SYN2: variants seen among roughly 807,000 people sequenced by gnomAD.
SYN2 encodes synapsin II, also known as synapsin-2.
In SYN2, 19 loss-of-function variants were observed where a neutral mutation model predicts 50.9. The observed-to-expected ratio is 0.37, with a 90% confidence interval of 0.26 to 0.55. The LOEUF is 0.55. Among genes scored for constraint, SYN2 ranks in the 20% least tolerant of loss-of-function variants. The pLI is 0.81. For synonymous variants in SYN2, 255 were observed against 224.9 expected (o/e 1.13, Z -1.20); for missense variants, 587 against 576.4 (o/e 1.02, Z -0.19).
intron 1 of SYN2, among the ~76,000 whole-genome samples, chr3:12,016,576 G>T (rs1694033434): frequency 6.6e-6 from 1 of 152,162 alleles, no homozygotes; most frequent in African/African-American, 2.4e-5. Context: ...AGGGATGTAG[G>T]CCAGGCGTGG....
intron 1 of SYN2, among the ~76,000 whole-genome samples, chr3:12,036,312 G>C (rs1297002754): frequency 4.6e-5 from 7 of 152,192 alleles, no homozygotes. Flanking sequence ...CCTGTGACAA[G>C]TCTCTGCGTT....
At chr3:12,145,550 A>T in intron 3 of SYN2, 129 bp from the exon 4 acceptor site, 1 of 1,080,904 alleles carries the variant, frequency 9.3e-7, no homozygotes, top group South Asian at 1.6e-5. Context: ...TAACAACAGT[A>T]AAATGAGGGG....
At chr3:12,084,934 A>G (rs1695659198) in intron 1 of SYN2, among the ~76,000 whole-genome samples, 1 of 152,150 alleles carries the variant, frequency 6.6e-6, no homozygotes, top group South Asian at 2.1e-4. Context: ...ACTGCAGGAA[A>G]TCATTAAATC....
chr3:12,050,791 A>G (rs1176740999), intron 1 of SYN2, among the ~76,000 whole-genome samples: 2 of 120,830 alleles, frequency 1.7e-5, no homozygotes, highest in South Asian at 3.0e-4. Flanking sequence ...TGTGGACTGC[A>G]GTGGCGCGAT....
In SYN2 at chr3:12,059,002, G is replaced by C. The variant is rs146621855; in HGVS notation, c.377+54074G>C. Among the ~76,000 whole-genome samples, 1,462 of 152,278 alleles carry C rather than the reference G, an allele frequency of 9.6e-3. 9 individuals are homozygous for C. Among genetic ancestry groups the C allele is most frequent in the Admixed American group, 0.014 (220 of 15,298 alleles). On this transcript the variant is annotated intron_variant, in intron 1 of 12. Coordinates refer to ENST00000621198, the MANE Select transcript of SYN2 (RefSeq NM_133625.6). Reference sequence around the variant, plus strand: ...CACTGAAGTGTATCTAAATCTACCTGTCTGGTTATATGCATCCAAGTCATG... The same window carrying C: ...CACTGAAGTGTATCTAAATCTACCTCTCTGGTTATATGCATCCAAGTCATG...
intron 7 of SYN2, chr3:12,165,494 A>G (rs1697761277): frequency 6.6e-6 from 1 of 152,252 alleles, no homozygotes; most frequent in Non-Finnish European, 1.5e-5. Context: ...CACATTGTAT[A>G]TGCATCAGGG....
rs541468202 is a variant in SYN2 at position 12,043,678 on chromosome 3, G to A, written c.377+38750G>A. The stretch of plus-strand genomic sequence containing the variant: ...CCTCAGAATGACTGGGCATAAAACT[G>A]TGATGTCCATTCTACTGGGTTGGTT... On this transcript the variant is annotated intron_variant, in intron 1 of 12. Coordinates refer to ENST00000621198, the MANE Select transcript of SYN2 (RefSeq NM_133625.6). 2.0e-4 allele frequency among the ~76,000 whole-genome samples: 30 copies of A among 152,280 alleles called. No homozygotes were observed. In the South Asian group the frequency reaches 6.0e-3, roughly 31 times the overall value.
chr3:12,087,861 G>A (rs1395120381), intron 1 of SYN2, among the ~76,000 whole-genome samples: 1 of 151,966 alleles, frequency 6.6e-6, no homozygotes, highest in East Asian at 1.9e-4. Context: ...ATGGTGTTGG[G>A]AAAACTGGAT....
In SYN2 at chr3:12,162,038, C is replaced by G. The variant is rs372826211; in HGVS notation, c.864C>G (p.Phe288Leu). The G allele has an allele frequency of 6.2e-7, 1 of 1,614,058 alleles. No homozygotes were observed. Among genetic ancestry groups the G allele is most frequent in the African/African-American group, 1.3e-5 (1 of 75,066 alleles). Residue 288 changes from phenylalanine to leucine, a missense_variant, in exon 7 of 13, where the codon TTC becomes TTG. Physicochemically the swap from Phe to Leu is conservative, Grantham distance 22. Coordinates refer to ENST00000621198, the MANE Select transcript of SYN2 (RefSeq NM_133625.6). ...GKVKVENHYD[F>L]QDIASVVALT... ...TCAAAGTGGAAAACCACTACGACTT[C>G]CAGGACATTGCCAGCGTGGTGGCTC...
At chr3:12,189,953 A>T (rs571282128) in intron 12 of SYN2, among the ~76,000 whole-genome samples, 4 of 152,200 alleles carry the variant, frequency 2.6e-5, no homozygotes, top group Non-Finnish European at 5.9e-5. Context: ...AACTTGACAG[A>T]TGAGAACCCA....
chr3:12,136,139 A>C (rs1287605192), intron 1 of SYN2, among the ~76,000 whole-genome samples: 1 of 152,164 alleles, frequency 6.6e-6, no homozygotes, highest in Non-Finnish European at 1.5e-5. Context: ...AATGTGATGA[A>C]AGTTCAGAAA....
intron 1 of SYN2, among the ~76,000 whole-genome samples, chr3:12,067,917 G>T (rs1671781036): frequency 6.6e-6 from 1 of 152,282 alleles, no homozygotes. Context: ...AATTAGGCAG[G>T]TGTGGTGGTG....
At chr3:12,152,459 G>C (rs1471473668) in intron 5 of SYN2, among the ~76,000 whole-genome samples, 3 of 152,230 alleles carry the variant, frequency 2.0e-5, no homozygotes, top group Non-Finnish European at 4.4e-5. Flanking sequence ...AGAGTACTCA[G>C]CTGAAGGGTA....
intron 1 of SYN2, among the ~76,000 whole-genome samples, chr3:12,015,324 C>T (rs1694003900): frequency 1.3e-5 from 2 of 152,180 alleles, no homozygotes; most frequent in Non-Finnish European, 2.9e-5. Context: ...CTGTCTTCCC[C>T]AACACCTCAC....
chr3:12,068,948 C>A (rs1695280833), intron 1 of SYN2, among the ~76,000 whole-genome samples: 1 of 152,232 alleles, frequency 6.6e-6, no homozygotes, highest in Non-Finnish European at 1.5e-5. Context: ...AGCCTTAGGT[C>A]ACCACTTATC....
intron 10 of SYN2, among the ~76,000 whole-genome samples, chr3:12,180,360 C>T (rs13063500): frequency 1.3e-5 from 2 of 152,348 alleles, no homozygotes; most frequent in Admixed American, 1.3e-4. Flanking sequence ...ATCCAACTTC[C>T]TGAGGAAAGC....
intron 1 of SYN2, among the ~76,000 whole-genome samples, chr3:12,009,253 G>A (rs534574040): frequency 3.3e-4 from 50 of 152,132 alleles, no homozygotes; most frequent in Admixed American, 1.6e-3. Context: ...TCTCGAGAGG[G>A]GATGTGGCTT....
intron 1 of SYN2, among the ~76,000 whole-genome samples, chr3:12,077,290 A>T (rs773466263): frequency 2.6e-5 from 4 of 151,552 alleles, no homozygotes; most frequent in Non-Finnish European, 4.4e-5. Flanking sequence ...CTTGCATAGA[A>T]TTTTTTTCCT....
chr3:12,087,537 A>G (rs1695729845), intron 1 of SYN2, among the ~76,000 whole-genome samples: 1 of 152,056 alleles, frequency 6.6e-6, no homozygotes, highest in South Asian at 2.1e-4. Flanking sequence ...AACAGAATAG[A>G]AATCCCAGAA....
Sources: allele counts gnomAD v4.1 joint callset (sites outside exome capture counted in the v4.1 genomes callset), GRCh38; gene constraint gnomAD v4.1.1; transcripts MANE v1.5; gene names NCBI Gene and HGNC (gene_info 2026-07-23, HGNC 2026-07-21).